Variants in DSTYK observed in about 807,000 individuals in gnomAD.
DSTYK encodes the protein dual serine/threonine and tyrosine protein kinase, also known as RIP-homologous kinase.
A neutral mutation model predicts 98.7 loss-of-function variants in DSTYK; 34 were observed. The observed-to-expected ratio is 0.34, with a 90% CI of 0.26 to 0.46. The LOEUF is 0.46. DSTYK is among the 20% of genes least tolerant of loss of function. The pLI is 1.00. For synonymous variants in DSTYK, 462 were observed against 457.3 expected (o/e 1.01, Z -0.13); for missense variants, 962 against 1,181.7 (o/e 0.81, Z 2.73).
At chr1:205,148,161 G>T (rs139452542) in intron 12 of DSTYK, 44 bp downstream of exon 12, 1 of 1,612,198 alleles carries the variant, frequency 6.2e-7, no homozygotes, top group East Asian at 2.2e-5. Context: ...CTCAGTCTGC[G>T]CTAGCCAGGG....
chr1:205,202,427 A>G (rs1200982838), intron 1 of DSTYK: 3 of 748,322 alleles, frequency 4.0e-6, no homozygotes, highest in Non-Finnish European at 7.4e-6. Context: ...GGGGCTGGAC[A>G]AGGTCAGTGG....
At position 205,186,036 on chromosome 1, in the gene DSTYK, AG is replaced by A. The variant is rs1212347348; in HGVS notation, c.654+1381del. ...AGACTCCATCTCAAAAAAGAAAAAA[AG>A]AAAAGAAAAAAAATATATATATAAG... is the stretch of plus-strand genomic sequence containing the variant. On this transcript the variant is annotated intron_variant, in intron 2 of 12. Coordinates refer to ENST00000367162, the MANE Select transcript of DSTYK (RefSeq NM_015375.3). Among the ~76,000 whole-genome samples, 10 of 152,254 alleles carry A rather than the reference AG, an allele frequency of 6.6e-5. No individual in the cohort carries two copies. In the East Asian group the frequency reaches 1.9e-3, roughly 29 times the overall value.
Position 205,144,114 on chromosome 1 carries a change from C to T in DSTYK, c.*3444G>A, listed in dbSNP as rs1310019646. The T allele has an allele frequency of 1.3e-5, 2 of 152,464 alleles. No homozygotes were observed. The highest frequency in any genetic ancestry group is 6.5e-5 in the Admixed American group (1 of 15,272). 9.4% of individuals were successfully genotyped at this position (152,464 alleles called of 1,614,324 possible). A position where few individuals can be genotyped will look rare whatever the true frequency, so the allele number is the denominator to read the frequency against. On this transcript the variant is annotated 3_prime_UTR_variant, in exon 13 of 13. Coordinates refer to ENST00000367162, the MANE Select transcript of DSTYK (RefSeq NM_015375.3). ...TCAGCTCTCTAGGCACAGGGTCAGC[C>T]ATTCCAGGGCCCCAGGCTCCACCAT...
intron 1 of DSTYK, among the ~76,000 whole-genome samples, chr1:205,210,193 G>A (rs1379782157): frequency 2.6e-5 from 4 of 152,032 alleles, no homozygotes; most frequent in Admixed American, 6.6e-5. Context: ...GTGAGCCACC[G>A]CGCCCGGCCT....
intron 2 of DSTYK, among the ~76,000 whole-genome samples, chr1:205,176,767 A>G (rs1030029538): frequency 2.6e-5 from 4 of 152,076 alleles, no homozygotes; most frequent in African/African-American, 9.7e-5. Flanking sequence ...AAATGCCAAG[A>G]AGTAATCACT....
At chr1:205,208,467 A>G (rs1659270746) in intron 1 of DSTYK, among the ~76,000 whole-genome samples, 1 of 152,222 alleles carries the variant, frequency 6.6e-6, no homozygotes, top group Non-Finnish European at 1.5e-5. Flanking sequence ...ACATCAACCT[A>G]GAGGCACAGT....
chr1:205,202,548 CA>C, intron 1 of DSTYK: 1 of 933,108 alleles, frequency 1.1e-6, no homozygotes, highest in Non-Finnish European at 1.7e-6. Flanking sequence ...TCAAAGTGAA[CA>C]AAGCACCTAA....
At chr1:205,182,790 G>C (rs1400153213) in intron 2 of DSTYK, among the ~76,000 whole-genome samples, 1 of 149,546 alleles carries the variant, frequency 6.7e-6, no homozygotes, top group Non-Finnish European at 1.5e-5. Flanking sequence ...CGGGTGACAA[G>C]AGTAAGACTC....
chr1:205,149,769 T>A (rs182595033), intron 11 of DSTYK, among the ~76,000 whole-genome samples: 51 of 152,346 alleles, frequency 3.3e-4, no homozygotes, highest in African/African-American at 1.2e-3. Context: ...AAGCCTTGAT[T>A]CTTCTGTGGG....
At chr1:205,176,761 G>A (rs993150788) in intron 2 of DSTYK, among the ~76,000 whole-genome samples, 1 of 151,838 alleles carries the variant, frequency 6.6e-6, no homozygotes, top group African/African-American at 2.4e-5. Flanking sequence ...TATTTTAAAT[G>A]CCAAGAAGTA....
chr1:205,187,730 T>C lies in DSTYK; in HGVS notation c.342A>G (p.Ile114Met). ...LQQIVDCLPC[I>M]LILGQDCNVK... ...CGTTACAATCCTGGCCGAGGATCAG[T>C]ATGCAAGGGAGGCAGTCCACAATCT... Residue 114 changes from isoleucine to methionine, a missense_variant, in exon 2 of 13, where the codon ATA becomes ATG. By Grantham distance (10) the Ile-to-Met change is conservative (BLOSUM62 1). Coordinates refer to ENST00000367162, the MANE Select transcript of DSTYK (RefSeq NM_015375.3). 1 of 1,613,996 alleles carries C rather than the reference T, an allele frequency of 6.2e-7. No homozygotes were observed. The highest frequency in any genetic ancestry group is 8.5e-7 in the Non-Finnish European group (1 of 1,180,006).
intron 8 of DSTYK, 33 bp downstream of exon 8, chr1:205,160,081 T>C: frequency 6.2e-7 from 1 of 1,612,138 alleles, no homozygotes; most frequent in Non-Finnish European, 8.5e-7. Context: ...TCTCTGGATC[T>C]TTCTCATAGA....
chr1:205,211,686 T>C lies in DSTYK; in HGVS notation c.-151A>G. 8.9e-7 allele frequency: 1 copy of C among 1,121,254 alleles called. No homozygotes were observed. Among genetic ancestry groups the C allele is most frequent in the Non-Finnish European group, 1.2e-6 (1 of 832,770 alleles). The allele number at this position is 1,121,254 out of a possible 1,614,324, so 69.5% of individuals were successfully genotyped here. ...GGCTCCCAACCTCCGTCACTGCCGT[T>C]GCAAACAAACCAAACCGCAGTGCGC... On this transcript the variant is annotated 5_prime_UTR_variant, in exon 1 of 13. Coordinates refer to ENST00000367162, the MANE Select transcript of DSTYK (RefSeq NM_015375.3).
chr1:205,161,967 GA>G, intron 6 of DSTYK, 68 bp downstream of exon 6: 1 of 1,520,278 alleles, frequency 6.6e-7, no homozygotes, highest in Non-Finnish European at 8.9e-7. Flanking sequence ...AGCGGAGAGC[GA>G]AATATTCCCA....
In DSTYK at chr1:205,211,350, A is replaced by G. The variant is rs749945575; in HGVS notation, c.186T>C (p.Thr62=). The G allele has an allele frequency of 2.1e-5, 34 of 1,611,852 alleles. No homozygotes were observed. Among genetic ancestry groups the G allele is most frequent in the Non-Finnish European group, 2.7e-5 (32 of 1,179,258 alleles). Residue 62 remains threonine (T), a synonymous_variant, in exon 1 of 13, where the codon ACT becomes ACC. Coordinates refer to ENST00000367162, the MANE Select transcript of DSTYK (RefSeq NM_015375.3). Reference sequence around the variant, plus strand: ...CGCCGCCCGTGAGGGAGGAGAGACAAGTGTGGTTGTGGGAGCACTTGATGT... The same window carrying G: ...CGCCGCCCGTGAGGGAGGAGAGACAGGTGTGGTTGTGGGAGCACTTGATGT... ...FRDIKCSHNH[T]CLSSLTGGGG...
At chr1:205,190,755 T>C (rs1658689273) in intron 1 of DSTYK, among the ~76,000 whole-genome samples, 1 of 152,162 alleles carries the variant, frequency 6.6e-6, no homozygotes, top group Non-Finnish European at 1.5e-5. Context: ...AGCTTTCTTC[T>C]ATTCCCTGTC....
Position 205,163,921 on chromosome 1 carries a change from G to A in DSTYK, c.1359C>T (p.Gly453=). Residue 453 remains glycine (G), a synonymous_variant, in exon 4 of 13, where the codon GGC becomes GGT. Coordinates refer to ENST00000367162, the MANE Select transcript of DSTYK (RefSeq NM_015375.3). ...VIVPENGEPV[G]TREIKCCIRQ... is the part of the protein sequence containing the mutation. ...GGATGCAGCATTTGATCTCTCTGGT[G>A]CCTACTGGTTCTCCATTCTCAGGGA... 6.2e-7 allele frequency: 1 copy of A among 1,614,156 alleles called. No individual in the cohort carries two copies. Among genetic ancestry groups the A allele is most frequent in the Non-Finnish European group, 8.5e-7 (1 of 1,180,034 alleles).
chr1:205,197,857 C>A (rs1038358843), intron 1 of DSTYK, among the ~76,000 whole-genome samples: 9 of 152,176 alleles, frequency 5.9e-5, no homozygotes, highest in African/African-American at 2.2e-4. Flanking sequence ...CAGTATAGAA[C>A]AGTCTGATGA....
chr1:205,160,017 G>A (rs758271955), intron 8 of DSTYK, 97 bp downstream of exon 8: 2 of 1,403,328 alleles, frequency 1.4e-6, no homozygotes, highest in African/African-American at 1.4e-5. Context: ...ACTAAATATA[G>A]AGAGGCCATG....
Sources: gnomAD v4.1 joint callset for allele counts (sites outside exome capture counted in the v4.1 genomes callset) on GRCh38, gnomAD v4.1.1 for gene constraint, MANE v1.5 for transcripts, NCBI Gene and HGNC (gene_info 2026-07-23, HGNC 2026-07-21) for gene names.